INTS2: variants seen among roughly 807,000 people sequenced by gnomAD.
INTS2 encodes the protein KIAA1287.
Under a neutral mutation model 139.6 loss-of-function variants are expected in INTS2, and 57 were observed. The ratio of observed to expected loss-of-function variants is 0.41; its 90% CI spans 0.33 to 0.51. INTS2 has a LOEUF of 0.51. Among genes scored for constraint, INTS2 ranks in the 20% least tolerant of loss-of-function variants. INTS2 has a pLI of 0.28. For missense variants in INTS2, 1,196 were observed against 1,436.7 expected (o/e 0.83, Z 2.71); for synonymous variants, 473 against 493.4 (o/e 0.96, Z 0.55).
Position 61,897,407 on chromosome 17 carries a change from C to T in INTS2, c.1494+62G>A. 1.0e-6 allele frequency: 1 copy of T among 968,028 alleles called. No individual in the cohort carries two copies. The highest frequency in any genetic ancestry group is 1.5e-6 in the Non-Finnish European group (1 of 649,832). The allele number at this position is 968,028 out of a possible 1,614,324, so 60.0% of individuals were successfully genotyped here. A position where few individuals can be genotyped will look rare whatever the true frequency, so the allele number is the denominator to read the frequency against. The stretch of plus-strand genomic sequence containing the variant: ...AAATGAAAACAATCTATTTACACTA[C>T]AACAAAATGTCCAGCTTAGAAACAC... On this transcript the variant is annotated intron_variant, in intron 11 of 24. Transcript: ENST00000251334. The surrounding 1 kb of genome is among the most constrained non-coding windows in gnomAD (Gnocchi z 4.4).
At chr17:61,916,527 T>C (rs370469847) in intron 5 of INTS2, among the ~76,000 whole-genome samples, 1 of 151,938 alleles carries the variant, frequency 6.6e-6, no homozygotes, top group East Asian at 1.9e-4. Context: ...TTCAACAAAG[T>C]TGACAAAAAT....
intron 2 of INTS2, among the ~76,000 whole-genome samples, chr17:61,925,732 G>C (rs1012929269): frequency 2.0e-5 from 3 of 151,790 alleles, no homozygotes; most frequent in African/African-American, 7.3e-5. Context: ...AGCTTTAAAA[G>C]CCTCCCAAGA....
intron 9 of INTS2, among the ~76,000 whole-genome samples, chr17:61,900,557 C>T (rs2079394191): frequency 6.6e-6 from 1 of 152,200 alleles, no homozygotes; most frequent in Admixed American, 6.5e-5. Flanking sequence ...GGTCTTCCCT[C>T]TCCAGGCCAG....
rs1210149199 is a variant in INTS2, at chr17:61,882,177, AT to A, written c.2090-1007del. Among the ~76,000 whole-genome samples the A allele has an allele frequency of 6.6e-6, 1 of 152,198 alleles. No individual in the cohort carries two copies. Among genetic ancestry groups the A allele is most frequent in the African/African-American group, 2.4e-5 (1 of 41,440 alleles). ...CCCTAACATTCATACAAAGTAAGCA[AT>A]GCCTCCATTCTACTGTAAGGAACAA... On this transcript the variant is annotated intron_variant, in intron 16 of 24. Coordinates refer to ENST00000251334, the MANE Select transcript of INTS2 (RefSeq NM_001351695.2). This position sits in a 1 kb window ranked among gnomAD's most constrained non-coding sequence, Gnocchi z 4.7.
At position 61,865,779 on chromosome 17, in the gene INTS2, C is replaced by T; in HGVS notation, c.*1778G>A. The T allele has an allele frequency of 6.6e-6, 1 of 151,742 alleles. No homozygotes were observed. Among genetic ancestry groups the T allele is most frequent in the South Asian group, 2.1e-4 (1 of 4,796 alleles). The allele number at this position is 151,742 out of a possible 1,614,324, so 9.4% of individuals were successfully genotyped here. ...TGCCTTGTTTAAAAATATGAAAATTCTTATGCTATTTTTAAGATACTTTTA... is the reference window on the plus strand; with the variant it reads ...TGCCTTGTTTAAAAATATGAAAATTTTTATGCTATTTTTAAGATACTTTTA... On this transcript the variant is annotated 3_prime_UTR_variant, in exon 25 of 25. Transcript: ENST00000251334. This position sits in a 1 kb window ranked among gnomAD's most constrained non-coding sequence, Gnocchi z 4.8.
At chr17:61,903,174 GAAAAA>G (rs551514700) in intron 9 of INTS2, among the ~76,000 whole-genome samples, 2 of 59,964 alleles carry the variant, frequency 3.3e-5, no homozygotes, top group African/African-American at 1.3e-4. Flanking sequence ...CTCAAAAAAG[GAAAAA>G]AAAAAAAAAA....
At chr17:61,902,492 A>G (rs1567906934) in intron 9 of INTS2, among the ~76,000 whole-genome samples, 1 of 152,108 alleles carries the variant, frequency 6.6e-6, no homozygotes, top group Non-Finnish European at 1.5e-5. Flanking sequence ...CAAAGTGTAC[A>G]ATTGAGTGGT....
chr17:61,885,952 T>G (rs1229456002), intron 15 of INTS2, among the ~76,000 whole-genome samples: 1 of 147,606 alleles, frequency 6.8e-6, no homozygotes, highest in African/African-American at 2.5e-5. Flanking sequence ...ATGGTCTCGA[T>G]CTCCTGACCT....
At chr17:61,926,806 C>A in intron 1 of INTS2, 144 bp from the exon 2 acceptor site, 1 of 702,292 alleles carries the variant, frequency 1.4e-6, no homozygotes, top group Non-Finnish European at 2.5e-6. Context: ...GACAAGGCTT[C>A]TCTGTCTCCC....
intron 16 of INTS2, among the ~76,000 whole-genome samples, chr17:61,883,098 C>A (rs982618792): frequency 2.6e-5 from 4 of 152,036 alleles, no homozygotes; most frequent in Non-Finnish European, 5.9e-5. Context: ...TAAAACTATA[C>A]CCAACCATCA....
At chr17:61,879,279 C>T (rs948401605) in intron 17 of INTS2, among the ~76,000 whole-genome samples, 26 of 152,068 alleles carry the variant, frequency 1.7e-4, no homozygotes, top group African/African-American at 6.0e-4. Flanking sequence ...CTTTTGATAG[C>T]TAACATTTAT....
At chr17:61,885,457 C>A (rs2079217868) in intron 15 of INTS2, among the ~76,000 whole-genome samples, 1 of 150,392 alleles carries the variant, frequency 6.6e-6, no homozygotes, top group South Asian at 2.1e-4. Flanking sequence ...TCTTTTTGCC[C>A]AGGCTAGAGT....
At chr17:61,921,565 C>G (rs2079641310) in intron 4 of INTS2, among the ~76,000 whole-genome samples, 160 bp downstream of exon 4, 1 of 152,016 alleles carries the variant, frequency 6.6e-6, no homozygotes, top group Non-Finnish European at 1.5e-5. Flanking sequence ...ATATAATTTA[C>G]TTAATCATTG....
rs769788930 is a variant in INTS2, at chr17:61,869,398, G to A, written c.3031-18C>T. 43 of 1,456,174 alleles carry A rather than the reference G, an allele frequency of 3.0e-5. No individual in the cohort carries two copies. The highest frequency in any genetic ancestry group is 3.7e-5 in the Non-Finnish European group (39 of 1,058,910). The allele number at this position is 1,456,174 out of a possible 1,614,324, so 90.2% of individuals were successfully genotyped here. The stretch of plus-strand genomic sequence containing the variant: ...GGATAACCCTATCTCAACAAGAAAC[G>A]GGAAAAAAGTCAGAAATAAAATAAC... On this transcript the variant is annotated intron_variant, in intron 21 of 24. Coordinates refer to ENST00000251334, the MANE Select transcript of INTS2 (RefSeq NM_001351695.2). The surrounding 1 kb of genome is among the most constrained non-coding windows in gnomAD (Gnocchi z 5.4).
At chr17:61,899,528 C>T (rs887472061) in intron 9 of INTS2, among the ~76,000 whole-genome samples, 1 of 151,882 alleles carries the variant, frequency 6.6e-6, no homozygotes, top group East Asian at 1.9e-4. Context: ...GCTGGGATTA[C>T]AGGCATGAGC....
rs749095965 is a variant in INTS2 at position 61,872,444 on chromosome 17, C to T, written c.2599G>A (p.Asp867Asn). ...QRVHRCPPLM[D>N]ITLHMLNGYL... Reference sequence around the variant, plus strand: ...CCATTCAACATGTGTAGGGTAATATCCATCAGTGGGGGGCATCTAAACAAG... The same window carrying T: ...CCATTCAACATGTGTAGGGTAATATTCATCAGTGGGGGGCATCTAAACAAG... The change falls in exon 20 of 25, where the codon GAT (aspartate) becomes AAT (asparagine). Residue 867 changes from aspartate (D) to asparagine (N), a missense_variant. Asp to Asn is a conservative substitution (Grantham distance 23). This residue lies in a region of INTS2 where 1,129 missense variants were observed against 1,341.9 expected (regional missense o/e 0.84). Coordinates refer to ENST00000251334, the MANE Select transcript of INTS2 (RefSeq NM_001351695.2). The surrounding 1 kb of genome is among the most constrained non-coding windows in gnomAD (Gnocchi z 4.8). The T allele has an allele frequency of 8.8e-6, 14 of 1,585,440 alleles. No individual in the cohort carries two copies. The highest frequency in any genetic ancestry group is 5.4e-5 in the African/African-American group (4 of 74,484).
In INTS2 at chr17:61,878,637, A is replaced by T. The variant is rs183569349; in HGVS notation, c.2255-549T>A. 1.5e-3 allele frequency among the ~76,000 whole-genome samples: 225 copies of T among 151,192 alleles called. 3 individuals carry two copies. The highest frequency in any genetic ancestry group is 7.1e-3 in the Middle Eastern group (2 of 280). ...TTGTTCTTTCATAAAGAACAAAAAT[A>T]TTTTTTAAAAATCACATTAATGGGA... On this transcript the variant is annotated intron_variant, in intron 17 of 24. Coordinates refer to ENST00000251334, the MANE Select transcript of INTS2 (RefSeq NM_001351695.2).
chr17:61,880,480 C>G (rs1405531472), intron 17 of INTS2, among the ~76,000 whole-genome samples: 1 of 152,112 alleles, frequency 6.6e-6, no homozygotes, highest in Non-Finnish European at 1.5e-5. Flanking sequence ...TGGCCAGGCA[C>G]AGTGGCTCAC....
chr17:61,890,516 A>G (rs750615135), intron 14 of INTS2, among the ~76,000 whole-genome samples: 186 of 151,592 alleles, frequency 1.2e-3, no homozygotes, highest in Middle Eastern at 3.4e-3. Flanking sequence ...AGGCTGAGGC[A>G]TGAGAATCAC....
Sources: gnomAD v4.1 joint callset for allele counts (sites outside exome capture counted in the v4.1 genomes callset) on GRCh38, gnomAD v4.1.1 for gene constraint, gnomAD v4.1.1 regional missense constraint, Gnocchi (gnomAD v3.1) non-coding constraint, MANE v1.5 for transcripts, NCBI Gene and HGNC (gene_info 2026-07-23, HGNC 2026-07-21) for gene names.